KIF3B: variants seen among roughly 807,000 people sequenced by gnomAD.
KIF3B encodes the protein kinesin family member 3B, also known as kinesin-like protein KIF3B.
Under a neutral mutation model 74.3 loss-of-function variants are expected in KIF3B, and 38 were observed. That is an observed-to-expected ratio of 0.51 (90% CI 0.39 to 0.67). KIF3B has a LOEUF of 0.67. KIF3B is among the 30% of genes least tolerant of loss of function. The pLI, the probability that KIF3B is intolerant of heterozygous loss-of-function variation, is 0.00. For missense variants in KIF3B, 649 were observed against 932.0 expected, an observed-to-expected ratio of 0.70 and a Z score of 3.95; for synonymous variants, 326 against 342.5, an observed-to-expected ratio of 0.95 and a Z score of 0.53.
chr20:32,326,927 A>G, intron 6 of KIF3B, 43 bp downstream of exon 6: 1 of 959,972 alleles, frequency 1.0e-6, no homozygotes, highest in Non-Finnish European at 1.6e-6. Context: ...AGTATGAGGG[A>G]GGAAAAGAAT....
At chr20:32,294,193 T>C (rs1052051432) in intron 1 of KIF3B, among the ~76,000 whole-genome samples, 2 of 152,250 alleles carry the variant, frequency 1.3e-5, no homozygotes, top group African/African-American at 4.8e-5. Flanking sequence ...TGTTTTACAA[T>C]TGAATGCCAA....
chr20:32,278,619 A>G (rs1340890882), intron 1 of KIF3B, among the ~76,000 whole-genome samples: 1 of 152,132 alleles, frequency 6.6e-6, no homozygotes, highest in African/African-American at 2.4e-5. Context: ...AGGTACTTCT[A>G]CAAGTAGTCC....
Position 32,327,674 on chromosome 20 carries a change from T to G in KIF3B, c.1968+13T>G. On this transcript the variant is annotated intron_variant, in intron 7 of 8. Transcript: ENST00000375712. ...GGCCCGATATAGGGTGAGAAGATCC[T>G]TCTTGGGTTTTTCTCCTGTCTCTTT... The G allele has an allele frequency of 6.3e-7, 1 of 1,597,074 alleles. No individual in the cohort carries two copies.
chr20:32,299,005 A>G (rs961523927), intron 1 of KIF3B, among the ~76,000 whole-genome samples: 1 of 152,050 alleles, frequency 6.6e-6, no homozygotes. Flanking sequence ...ATGCAAATCC[A>G]TGAGCACCGT....
At chr20:32,322,214 A>G (rs1370793417) in intron 5 of KIF3B, among the ~76,000 whole-genome samples, 1 of 151,960 alleles carries the variant, frequency 6.6e-6, no homozygotes, top group Admixed American at 6.6e-5. Flanking sequence ...TCAGTGTATA[A>G]TTCTTACACT....
At chr20:32,319,582 G>GTTTTTTTTTTTTTT (rs34028388) in intron 5 of KIF3B, among the ~76,000 whole-genome samples, 12 of 92,016 alleles carry the variant, frequency 1.3e-4, no homozygotes, top group Non-Finnish European at 1.7e-4. Flanking sequence ...TTTTGTTTTT[G>GTTTTTTTTTTTTTT]TTTTTTTTTT....
rs747212189 is a variant in KIF3B at position 32,334,999 on chromosome 20, G to A, written c.*3680G>A. The A allele has an allele frequency of 6.6e-6, 1 of 152,530 alleles. No individual in the cohort carries two copies. Among genetic ancestry groups the A allele is most frequent in the Non-Finnish European group, 1.5e-5 (1 of 68,026 alleles). 9.4% of individuals were successfully genotyped at this position (152,530 alleles called of 1,614,324 possible). A position where few individuals can be genotyped will look rare whatever the true frequency, so the allele number is the denominator to read the frequency against. On this transcript the variant is annotated 3_prime_UTR_variant, in exon 9 of 9. Coordinates refer to ENST00000375712, the MANE Select transcript of KIF3B (RefSeq NM_004798.4). ...GTAATAAAAATCAATCAGATTTATT[G>A]TACCTACAAAAAGGTGTCCTCATAA...
intron 1 of KIF3B, among the ~76,000 whole-genome samples, chr20:32,279,265 G>T (rs73108541): frequency 2.6e-5 from 4 of 151,966 alleles, no homozygotes; most frequent in East Asian, 1.9e-4. Context: ...GGAAGTGGAC[G>T]TGTTTCTAGG....
chr20:32,315,944 T>C lies in KIF3B; in HGVS notation c.1405-274T>C, dbSNP rs979085347. 3.9e-5 allele frequency among the ~76,000 whole-genome samples: 6 copies of C among 152,054 alleles called. No homozygotes were observed. The East Asian group carries it at 1.2e-3, about 29-fold the overall frequency. ...ATATGTTCTAAGTGGGGTTAATACTTTGTAGAAACAAGCAAAAAAAAAAAA... is the reference window on the plus strand; with the variant it reads ...ATATGTTCTAAGTGGGGTTAATACTCTGTAGAAACAAGCAAAAAAAAAAAA... On this transcript the variant is annotated intron_variant, in intron 2 of 8. Transcript: ENST00000375712.
intron 1 of KIF3B, among the ~76,000 whole-genome samples, chr20:32,308,380 C>T (rs1012954958): frequency 1.3e-5 from 2 of 152,206 alleles, no homozygotes; most frequent in African/African-American, 2.4e-5. Flanking sequence ...CACATCACCA[C>T]CCCTGGCTAA....
In KIF3B at chr20:32,331,467, C is replaced by A; in HGVS notation, c.*148C>A. On this transcript the variant is annotated 3_prime_UTR_variant, in exon 9 of 9. Coordinates refer to ENST00000375712, the MANE Select transcript of KIF3B (RefSeq NM_004798.4). ...CTCTTTGCAGATCAACCAACTTAATCTGGTTGAACGTGCTGTTCCTAATCT... is the reference window on the plus strand; with the variant it reads ...CTCTTTGCAGATCAACCAACTTAATATGGTTGAACGTGCTGTTCCTAATCT... The A allele has an allele frequency of 1.6e-6, 1 of 617,060 alleles. No individual in the cohort carries two copies. Among genetic ancestry groups the A allele is most frequent in the Non-Finnish European group, 2.8e-6 (1 of 357,190 alleles). 38.2% of individuals were successfully genotyped at this position (617,060 alleles called of 1,614,324 possible).
chr20:32,322,802 T>A (rs867164036), intron 5 of KIF3B, among the ~76,000 whole-genome samples: 4 of 47,408 alleles, frequency 8.4e-5, no homozygotes, highest in African/African-American at 3.1e-4. Flanking sequence ...ATATATATAT[T>A]TATATATATT....
In KIF3B at chr20:32,309,744, C is replaced by T. The variant is rs1331624295; in HGVS notation, c.-34C>T. The T allele has an allele frequency of 3.2e-6, 5 of 1,583,962 alleles. No individual in the cohort carries two copies. Among genetic ancestry groups the T allele is most frequent in the Non-Finnish European group, 4.3e-6 (5 of 1,164,342 alleles). Reference sequence around the variant, plus strand: ...AGCATCCTGAGACATTTTGAATTGACACTTCTCAAGATTTGACTGGATCAG... The same window carrying T: ...AGCATCCTGAGACATTTTGAATTGATACTTCTCAAGATTTGACTGGATCAG... On this transcript the variant is annotated 5_prime_UTR_variant, in exon 2 of 9. Transcript: ENST00000375712.
rs546531424 is a variant in KIF3B at position 32,331,955 on chromosome 20, C to T, written c.*636C>T. ...GTGAGGAAATCTCTTCCAATTTCTG[C>T]TTCTGAATGATTCAATGTTGGGAGC... On this transcript the variant is annotated 3_prime_UTR_variant, in exon 9 of 9. Coordinates refer to ENST00000375712, the MANE Select transcript of KIF3B (RefSeq NM_004798.4). The T allele has an allele frequency of 8.4e-4, 128 of 152,820 alleles. No individual in the cohort carries two copies. Among genetic ancestry groups the T allele is most frequent in the Non-Finnish European group, 1.6e-3 (107 of 68,094 alleles). 9.5% of individuals were successfully genotyped at this position (152,820 alleles called of 1,614,324 possible). A position where few individuals can be genotyped will look rare whatever the true frequency, so the allele number is the denominator to read the frequency against.
chr20:32,330,342 G>A (rs1251914952), intron 8 of KIF3B, 23 bp downstream of exon 8: 1 of 1,606,770 alleles, frequency 6.2e-7, no homozygotes, highest in East Asian at 2.2e-5. Context: ...GATGACGTGT[G>A]TTTAAACAGA....
rs1302476053 is a variant in KIF3B at position 32,309,754 on chromosome 20, G to T, written c.-24G>T. 6.3e-7 allele frequency: 1 copy of T among 1,594,904 alleles called. No homozygotes were observed. Among genetic ancestry groups the T allele is most frequent in the African/African-American group, 1.3e-5 (1 of 74,262 alleles). On this transcript the variant is annotated 5_prime_UTR_variant, in exon 2 of 9. Transcript: ENST00000375712. ...GACATTTTGAATTGACACTTCTCAAGATTTGACTGGATCAGAGTTCATCAT... is the reference window on the plus strand; with the variant it reads ...GACATTTTGAATTGACACTTCTCAATATTTGACTGGATCAGAGTTCATCAT...
chr20:32,334,683 A>G lies in KIF3B; in HGVS notation c.*3364A>G, dbSNP rs951124033. The G allele has an allele frequency of 6.6e-6, 1 of 152,274 alleles. No individual in the cohort carries two copies. The highest frequency in any genetic ancestry group is 1.5e-5 in the Non-Finnish European group (1 of 68,064). The allele number at this position is 152,274 out of a possible 1,614,324, so 9.4% of individuals were successfully genotyped here. ...AGAATAGTGGGCCTGGTGATTGTCT[A>G]TCACGCAAGGCTTTGTTTTGTACTG... On this transcript the variant is annotated 3_prime_UTR_variant, in exon 9 of 9. Transcript: ENST00000375712.
At chr20:32,314,993 G>A (rs2047819977) in intron 2 of KIF3B, among the ~76,000 whole-genome samples, 1 of 152,078 alleles carries the variant, frequency 6.6e-6, no homozygotes, top group Non-Finnish European at 1.5e-5. Flanking sequence ...CTCACTTACA[G>A]CCAGGCCGTC....
chr20:32,322,024 G>C (rs188565411), intron 5 of KIF3B, among the ~76,000 whole-genome samples: 1 of 152,090 alleles, frequency 6.6e-6, no homozygotes, highest in Admixed American at 6.6e-5. Flanking sequence ...TTTAAGGTCA[G>C]CTTGTCAATT....
Sources: gnomAD v4.1 joint callset for allele counts (sites outside exome capture counted in the v4.1 genomes callset) on GRCh38, gnomAD v4.1.1 for gene constraint, MANE v1.5 for transcripts, NCBI Gene and HGNC (gene_info 2026-07-23, HGNC 2026-07-21) for gene names.